Variants in PPFIA2 observed in about 807,000 individuals in gnomAD.
PPFIA2 encodes liprin-alpha-2.
In PPFIA2, 46 loss-of-function variants were observed where a neutral mutation model predicts 175.5. The ratio of observed to expected loss-of-function variants is 0.26; its 90% CI spans 0.21 to 0.34. The LOEUF is 0.34. Among genes scored for constraint, PPFIA2 ranks in the 10% least tolerant of loss-of-function variants. PPFIA2 has a pLI of 1.00. For synonymous variants in PPFIA2, 568 were observed against 511.4 expected (o/e 1.11, Z -1.49); for missense variants, 1,179 against 1,506.1 (o/e 0.78, Z 3.60).
chr12:81,704,424 G>A (rs554003052), intron 3 of PPFIA2, among the ~76,000 whole-genome samples: 1 of 152,068 alleles, frequency 6.6e-6, no homozygotes, highest in African/African-American at 2.4e-5. Context: ...GAGGAGCTAA[G>A]GTATAAACAC....
At chr12:81,398,637 T>G (rs986121021) in intron 8 of PPFIA2, among the ~76,000 whole-genome samples, 2 of 152,114 alleles carry the variant, frequency 1.3e-5, no homozygotes, top group Non-Finnish European at 2.9e-5. Flanking sequence ...TGCTGGTTAC[T>G]TATCTCATTC....
In PPFIA2 at chr12:81,636,905, G is replaced by T. The variant is rs537689613; in HGVS notation, c.303+39886C>A. ...TGACCTCAAGTGATCCTCCTGCCTTGGCCTCCCAAAGTGCTGGGTAGAATG... is the reference window on the plus strand; with the variant it reads ...TGACCTCAAGTGATCCTCCTGCCTTTGCCTCCCAAAGTGCTGGGTAGAATG... On this transcript the variant is annotated intron_variant, in intron 4 of 32. Coordinates refer to ENST00000549396, the MANE Select transcript of PPFIA2 (RefSeq NM_003625.5). Among the ~76,000 whole-genome samples, 18 of 151,978 alleles carry T rather than the reference G, an allele frequency of 1.2e-4. No homozygotes were observed. The South Asian group carries it at 3.5e-3, about 30-fold the overall frequency.
intron 9 of PPFIA2, among the ~76,000 whole-genome samples, chr12:81,377,344 G>A (rs80166956): frequency 0.062 from 9,499 of 152,104 alleles, 384 homozygotes; most frequent in African/African-American, 0.12. Flanking sequence ...TCAGGAGTTC[G>A]AGACCAGCCT....
intron 7 of PPFIA2, among the ~76,000 whole-genome samples, chr12:81,412,688 T>C (rs1038122307): frequency 6.6e-6 from 1 of 151,960 alleles, no homozygotes. Context: ...TGTACGATCT[T>C]GTACAAGCTA....
intron 4 of PPFIA2, among the ~76,000 whole-genome samples, chr12:81,557,940 C>T (rs887938822): frequency 6.6e-6 from 1 of 152,006 alleles, no homozygotes; most frequent in African/African-American, 2.4e-5. Flanking sequence ...TAAAGGCATG[C>T]CATGGCCTAA....
At chr12:81,351,914 A>G (rs985464466) in intron 17 of PPFIA2, among the ~76,000 whole-genome samples, 31 of 152,192 alleles carry the variant, frequency 2.0e-4, no homozygotes, top group African/African-American at 6.7e-4. Flanking sequence ...TAAATAAAAA[A>G]AAATCTGAAT....
intron 4 of PPFIA2, among the ~76,000 whole-genome samples, chr12:81,504,969 G>A (rs2060990799): frequency 1.3e-5 from 2 of 152,114 alleles, no homozygotes. Flanking sequence ...ACAAGGAGGG[G>A]AACATCACAC....
chr12:81,317,978 C>G (rs368481522), intron 22 of PPFIA2, among the ~76,000 whole-genome samples: 20 of 151,724 alleles, frequency 1.3e-4, no homozygotes, highest in African/African-American at 4.6e-4. Flanking sequence ...AATTCCCTTT[C>G]AAAGTGGTCA....
At chr12:81,616,817 AC>A (rs2061460295) in intron 4 of PPFIA2, among the ~76,000 whole-genome samples, 1 of 152,224 alleles carries the variant, frequency 6.6e-6, no homozygotes, top group African/African-American at 2.4e-5. Context: ...TAACATGATT[AC>A]AGTGCTTTAG....
At chr12:81,643,490 A>T (rs921507436) in intron 4 of PPFIA2, among the ~76,000 whole-genome samples, 2 of 152,042 alleles carry the variant, frequency 1.3e-5, no homozygotes, top group Admixed American at 1.3e-4. Context: ...TCGAAGTAGA[A>T]TGTTTACTTG....
At chr12:81,319,406 G>A (rs925222329) in intron 22 of PPFIA2, among the ~76,000 whole-genome samples, 1 of 151,768 alleles carries the variant, frequency 6.6e-6, no homozygotes. Flanking sequence ...GGCTATACAT[G>A]ATCACATGGC....
At chr12:81,500,254 C>T (rs1334691601) in intron 4 of PPFIA2, among the ~76,000 whole-genome samples, 1 of 152,108 alleles carries the variant, frequency 6.6e-6, no homozygotes, top group South Asian at 2.1e-4. Context: ...GTCTCTCTGG[C>T]CCAAACTCTG....
intron 3 of PPFIA2, among the ~76,000 whole-genome samples, chr12:81,712,476 T>G (rs1015887098): frequency 6.6e-6 from 1 of 151,344 alleles, no homozygotes; most frequent in Non-Finnish European, 1.5e-5. Context: ...TTTATAAGGA[T>G]GCACATTAAA....
intron 9 of PPFIA2, among the ~76,000 whole-genome samples, chr12:81,377,102 G>A (rs937160914): frequency 6.6e-6 from 1 of 151,878 alleles, no homozygotes; most frequent in Non-Finnish European, 1.5e-5. Flanking sequence ...CAGAAGTAGT[G>A]GATAAAAGGG....
At chr12:81,553,417 C>T (rs753198407) in intron 4 of PPFIA2, among the ~76,000 whole-genome samples, 17 of 152,058 alleles carry the variant, frequency 1.1e-4, no homozygotes, top group Non-Finnish European at 2.2e-4. Flanking sequence ...GTCCTACTCC[C>T]ATCAAGATGA....
At chr12:81,596,817 G>A (rs1220660406) in intron 4 of PPFIA2, among the ~76,000 whole-genome samples, 1 of 152,086 alleles carries the variant, frequency 6.6e-6, no homozygotes, top group Non-Finnish European at 1.5e-5. Flanking sequence ...AGTAGGAAGA[G>A]AATATATTTT....
intron 22 of PPFIA2, among the ~76,000 whole-genome samples, chr12:81,311,116 T>C (rs1178233209): frequency 2.0e-5 from 3 of 152,208 alleles, no homozygotes; most frequent in Non-Finnish European, 4.4e-5. Flanking sequence ...GTAAATATTA[T>C]GCATATTTTA....
chr12:81,381,378 A>T (rs2037664016), intron 9 of PPFIA2, among the ~76,000 whole-genome samples: 1 of 152,196 alleles, frequency 6.6e-6, no homozygotes, highest in South Asian at 2.1e-4. Flanking sequence ...ACCTACATTC[A>T]GAGGCTATTA....
At chr12:81,520,437 C>T (rs371473145) in intron 4 of PPFIA2, among the ~76,000 whole-genome samples, 12 of 152,224 alleles carry the variant, frequency 7.9e-5, no homozygotes, top group East Asian at 1.9e-4. Context: ...CTTAGGTAAC[C>T]GAAACCACAA....
Sources: allele counts gnomAD v4.1 joint callset (sites outside exome capture counted in the v4.1 genomes callset), GRCh38; gene constraint gnomAD v4.1.1; transcripts MANE v1.5; gene names NCBI Gene and HGNC (gene_info 2026-07-23, HGNC 2026-07-21).